The following VILL variants were observed in gnomAD, a reference collection of about 807,000 sequenced individuals.
The protein encoded by VILL is villin like, also known as villin-like protein.
Under a neutral mutation model 106.3 loss-of-function variants are expected in VILL, and 102 were observed. The observed-to-expected ratio is 0.96, with a 90% CI of 0.82 to 1.13. The LOEUF (loss-of-function observed/expected upper bound fraction) is 1.13. Among genes scored for constraint, VILL ranks in the 50% most tolerant of loss-of-function variants. The pLI, the probability that VILL is intolerant of heterozygous loss-of-function variation, is 0.00. For synonymous variants in VILL, 431 were observed against 440.3 expected (o/e 0.98, Z 0.27); for missense variants, 1,076 against 1,116.6 (o/e 0.96, Z 0.52).
rs200594551 is a variant in VILL at position 37,993,949 on chromosome 3, G to T, written c.112G>T (p.Glu38Ter). The T allele has an allele frequency of 6.2e-7, 1 of 1,614,154 alleles. No homozygotes were observed. Among genetic ancestry groups the T allele is most frequent in the East Asian group, 2.2e-5 (1 of 44,874 alleles). The stretch of plus-strand genomic sequence containing the variant: ...GGGGGCTTACGGGAACTTTTTTGAG[G>T]AACACTGCTATGTCATCCTCCACGT... The part of the protein sequence containing the change: ...PEGAYGNFFE[E>*]HCYVILHVPQ... Residue 38 changes from glutamate to a stop codon, truncating the protein, a stop_gained, in exon 3 of 20, where the codon GAA becomes TAA. Transcript: ENST00000383759. LOFTEE classifies it high-confidence loss of function.
chr3:38,001,994 C>A, intron 13 of VILL, 134 bp downstream of exon 13: 1 of 1,430,860 alleles, frequency 7.0e-7, no homozygotes, highest in Non-Finnish European at 9.5e-7. Context: ...AGAGCTTGTC[C>A]AAGGCCCAGG....
At position 37,997,304 on chromosome 3, in the gene VILL, C is replaced by T. The variant is rs983836590; in HGVS notation, c.561+117C>T. ...CTTGGCTCTGCTACAACCCAAGAAA[C>T]GCCTATGAGTTACAAGCTGAGTTCA... is the stretch of plus-strand genomic sequence containing the variant. On this transcript the variant is annotated intron_variant, in intron 6 of 19. Transcript: ENST00000383759. The surrounding 1 kb of genome is among the most constrained non-coding windows in gnomAD (Gnocchi z 4.7). The T allele has an allele frequency of 1.5e-5, 19 of 1,227,176 alleles. No individual in the cohort carries two copies. Among genetic ancestry groups the T allele is most frequent in the Middle Eastern group, 2.6e-4 (1 of 3,802 alleles). The allele number at this position is 1,227,176 out of a possible 1,614,324, so 76.0% of individuals were successfully genotyped here. A position where few individuals can be genotyped will look rare whatever the true frequency, so the allele number is the denominator to read the frequency against.
At chr3:37,994,053 C>T (rs950383660) in intron 3 of VILL, 81 bp downstream of exon 3, 42 of 1,565,750 alleles carry the variant, frequency 2.7e-5, no homozygotes, top group Non-Finnish European at 3.5e-5. Context: ...ATAAACTCTG[C>T]CCTGGGAAGC....
chr3:37,997,823 G>C lies in VILL; in HGVS notation c.764+138G>C. The C allele has an allele frequency of 4.0e-6, 4 of 1,008,314 alleles. No homozygotes were observed. The highest frequency in any genetic ancestry group is 5.8e-6 in the Non-Finnish European group (4 of 694,712). The allele number at this position is 1,008,314 out of a possible 1,614,324, so 62.5% of individuals were successfully genotyped here. On this transcript the variant is annotated intron_variant, in intron 7 of 19. Transcript: ENST00000383759. This position sits in a 1 kb window ranked among gnomAD's most constrained non-coding sequence, Gnocchi z 4.7. ...TTCTGGGACAGGTCATGTGGACCGT[G>C]GGTCCAGCCTGTACTCTTCCATGGC...
intron 3 of VILL, 99 bp downstream of exon 3, chr3:37,994,071 T>C (rs762150045): frequency 5.9e-6 from 9 of 1,522,948 alleles, no homozygotes; most frequent in Non-Finnish European, 7.3e-6. Flanking sequence ...AGCGGCAAGT[T>C]GAGAGCCGGA....
chr3:37,994,136 C>T, intron 3 of VILL, 125 bp from the exon 4 acceptor site: 1 of 1,404,504 alleles, frequency 7.1e-7, no homozygotes, highest in Non-Finnish European at 9.9e-7. Flanking sequence ...TCCTTCCCTC[C>T]CACTTCCTGA....
intron 2 of VILL, 58 bp from the exon 3 acceptor site, chr3:37,993,811 AACTCAGAGCGTCCTCTTCCACCCCACCCC>A: frequency 6.2e-7 from 1 of 1,607,592 alleles, no homozygotes; most frequent in Non-Finnish European, 8.5e-7. Flanking sequence ...TCCCGCCCCC[AACTCAGAGCGTCCTCTTCCACCCCACCCC>A]AGCGGGTGTC....
chr3:37,992,996 G>C (rs1286447348), intron 1 of VILL, among the ~76,000 whole-genome samples: 1 of 152,206 alleles, frequency 6.6e-6, no homozygotes, highest in Non-Finnish European at 1.5e-5. Context: ...GGGTCACCCT[G>C]AGTGAGAGAT....
At chr3:38,003,456 C>A in intron 15 of VILL, 143 bp downstream of exon 15, 2 of 1,125,828 alleles carry the variant, frequency 1.8e-6, no homozygotes, top group Non-Finnish European at 2.4e-6. Flanking sequence ...ACAGAGGCTC[C>A]CACAAGTACA....
Position 38,007,076 on chromosome 3 carries a change from C to T in VILL, c.*21C>T. The T allele has an allele frequency of 1.9e-6, 3 of 1,598,964 alleles. No individual in the cohort carries two copies. Among genetic ancestry groups the T allele is most frequent in the Non-Finnish European group, 1.7e-6 (2 of 1,166,864 alleles). ...TCTGAACCCAAGCCCTCTCGACTGC[C>T]CCTATCCCCTGGACCCCAACATACC... On this transcript the variant is annotated 3_prime_UTR_variant, in exon 20 of 20. Coordinates refer to ENST00000383759, the MANE Select transcript of VILL (RefSeq NM_015873.4).
rs367991919 is a variant in VILL at position 38,006,502 on chromosome 3, C to G, written c.2259C>G (p.Ala753=). 9.1e-5 allele frequency: 147 copies of G among 1,610,424 alleles called. 1 individual carries two copies. Among genetic ancestry groups the G allele is most frequent in the Middle Eastern group, 6.6e-4 (4 of 6,050 alleles). ...SRWPGNGRAG[A]VALQALKGSQ... ...GGCCGGGCAATGGCAGGGCAGGTGCCGTGGCCCTGCAGGCCCTCAAGGGCT... is the reference window on the plus strand; with the variant it reads ...GGCCGGGCAATGGCAGGGCAGGTGCGGTGGCCCTGCAGGCCCTCAAGGGCT... Residue 753 remains alanine, a synonymous_variant, in exon 19 of 20, where the codon GCC becomes GCG. Coordinates refer to ENST00000383759, the MANE Select transcript of VILL (RefSeq NM_015873.4).
intron 15 of VILL, 147 bp downstream of exon 15, chr3:38,003,460 A>G (rs6793254): frequency 0.23 from 251,402 of 1,082,408 alleles, 31,874 homozygotes; most frequent in African/African-American, 0.46. Context: ...AGGCTCCCAC[A>G]AGTACAGCCC....
Position 37,994,352 on chromosome 3 carries a change from C to G in VILL, c.227C>G (p.Ala76Gly). ...GCGGGTGCGGAAGCGCAGGGCGCTG[C>G]GGAGGCCTTCCAGCAGCGCCTACAG... The part of the protein sequence containing the change: ...KQAGAEAQGA[A>G]EAFQQRLQDE... The change falls in exon 4 of 20, where the codon GCG becomes GGG. Residue 76 changes from alanine to glycine, a missense_variant. By Grantham distance (60) the Ala-to-Gly change is moderately conservative (BLOSUM62 0). Coordinates refer to ENST00000383759, the MANE Select transcript of VILL (RefSeq NM_015873.4). 1 of 1,611,404 alleles carries G rather than the reference C, an allele frequency of 6.2e-7. No homozygotes were observed. The highest frequency in any genetic ancestry group is 8.5e-7 in the Non-Finnish European group (1 of 1,179,602).
At chr3:38,004,885 T>C (rs1356667419) in intron 16 of VILL, among the ~76,000 whole-genome samples, 1 of 152,132 alleles carries the variant, frequency 6.6e-6, no homozygotes, top group East Asian at 1.9e-4. Flanking sequence ...CTGGTGAAAA[T>C]GTGTCTGTGA....
rs755339277 is a variant in VILL at position 38,006,493 on chromosome 3, G to A, written c.2250G>A (p.Arg750=). ...LRLSRWPGNG[R]AGAVALQALK... is the part of the protein sequence containing the mutation. Reference sequence around the variant, plus strand: ...TATCCAGATGGCCGGGCAATGGCAGGGCAGGTGCCGTGGCCCTGCAGGCCC... The same window carrying A: ...TATCCAGATGGCCGGGCAATGGCAGAGCAGGTGCCGTGGCCCTGCAGGCCC... Residue 750 remains arginine, a synonymous_variant, in exon 19 of 20, where the codon AGG becomes AGA. Coordinates refer to ENST00000383759, the MANE Select transcript of VILL (RefSeq NM_015873.4). 1.9e-6 allele frequency: 3 copies of A among 1,609,238 alleles called. No homozygotes were observed. Among genetic ancestry groups the A allele is most frequent in the Non-Finnish European group, 2.6e-6 (3 of 1,176,198 alleles).
chr3:38,000,888 C>T (rs1699800804), intron 11 of VILL: 1 of 456,602 alleles, frequency 2.2e-6, no homozygotes, highest in Non-Finnish European at 4.4e-6. Flanking sequence ...GTGGGAAAGG[C>T]CCGAAGCTTA....
chr3:38,002,045 T>G, intron 13 of VILL, 185 bp downstream of exon 13: 1 of 934,962 alleles, frequency 1.1e-6, no homozygotes, highest in Non-Finnish European at 1.6e-6. Context: ...CCCTCCCCAG[T>G]CCCAGAGCCA....
At chr3:37,994,165 C>A in intron 3 of VILL, 96 bp from the exon 4 acceptor site, 1 of 1,476,928 alleles carries the variant, frequency 6.8e-7, no homozygotes, top group Non-Finnish European at 9.2e-7. Flanking sequence ...GAAGCCCCTG[C>A]CTAGCGTCTC....
intron 19 of VILL, 61 bp downstream of exon 19, chr3:38,006,761 G>A (rs1036231563): frequency 6.4e-6 from 10 of 1,552,798 alleles, no homozygotes; most frequent in Admixed American, 1.8e-5. Flanking sequence ...AGGAGCCCAA[G>A]GCAGGATCCA....
Sources: allele counts gnomAD v4.1 joint callset (sites outside exome capture counted in the v4.1 genomes callset), GRCh38; gene constraint gnomAD v4.1.1; non-coding constraint Gnocchi (gnomAD v3.1); transcripts MANE v1.5; gene names NCBI Gene and HGNC (gene_info 2026-07-23, HGNC 2026-07-21).